COXFA4L2: variants seen among roughly 807,000 people sequenced by gnomAD.
COXFA4L2 encodes the protein NADH dehydrogenase (ubiquinone) 1 alpha subcomplex, 4-like 2.
At chr12:57,235,804 T>C in the COXFA4L2 span, 3 of 1,541,040 alleles carry the variant, frequency 1.9e-6, no homozygotes, top group Non-Finnish European at 1.8e-6. Flanking sequence ...GTTCTTTCTG[T>C]CCCAGCTGTG....
the COXFA4L2 span, chr12:57,236,432 A>T: frequency 6.7e-6 from 4 of 594,006 alleles, no homozygotes; most frequent in Admixed American, 1.1e-4. Context: ...TGGAGGGGAT[A>T]CGGGGGTCTC....
the COXFA4L2 span, chr12:57,240,266 C>G: frequency 6.6e-6 from 1 of 152,114 alleles, no homozygotes; most frequent in Non-Finnish European, 1.5e-5. Context: ...TTATGCAAAG[C>G]GCTCTCCGCC....
the COXFA4L2 span, chr12:57,237,321 T>G: frequency 7.0e-7 from 1 of 1,422,266 alleles, no homozygotes; most frequent in South Asian, 1.5e-5. Context: ...GACTCTCTCC[T>G]CCAGATGTCT....
At chr12:57,238,569 A>G in the COXFA4L2 span, among the ~76,000 whole-genome samples, 308 of 152,208 alleles carry the variant, frequency 2.0e-3, 2 homozygotes, top group African/African-American at 7.0e-3. This position sits in a 1 kb window ranked among gnomAD's most constrained non-coding sequence, Gnocchi z 6.8. Flanking sequence ...CCAGAGCTCA[A>G]ACTCGAGCGG....
chr12:57,237,836 G>A, the COXFA4L2 span: 1 of 154,440 alleles, frequency 6.5e-6, no homozygotes, highest in Non-Finnish European at 1.5e-5. Context: ...GCCGCCCAAG[G>A]AGGCCATCCA....
At chr12:57,236,823 G>T in the COXFA4L2 span, 1 of 981,372 alleles carries the variant, frequency 1.0e-6, no homozygotes, top group Non-Finnish European at 1.5e-6. Context: ...CATATTTCCT[G>T]GCATGGTCTC....
the COXFA4L2 span, chr12:57,236,620 C>T: frequency 1.3e-6 from 2 of 1,585,056 alleles, no homozygotes; most frequent in Non-Finnish European, 1.7e-6. Flanking sequence ...AAGGGCGAGT[C>T]GCAGCAAGTA....
chr12:57,235,910 C>T, the COXFA4L2 span: 10 of 1,014,016 alleles, frequency 9.9e-6, 2 homozygotes, highest in South Asian at 2.2e-4. Flanking sequence ...TCTGGCCCCA[C>T]CCCAGTACCC....
chr12:57,235,472 G>A, the COXFA4L2 span: 190 of 1,388,120 alleles, frequency 1.4e-4, no homozygotes, highest in Admixed American at 1.1e-3. Context: ...CAGGGTGGCC[G>A]GAGTGATGCC....
chr12:57,235,649 G>A, the COXFA4L2 span: 12 of 1,613,636 alleles, frequency 7.4e-6, no homozygotes, highest in Non-Finnish European at 1.0e-5. Flanking sequence ...GGGTTGCGCT[G>A]AGTACCCCAA....
the COXFA4L2 span, chr12:57,235,384 T>G: frequency 1.5e-6 from 1 of 689,602 alleles, no homozygotes; most frequent in South Asian, 1.7e-5. Context: ...CTTCCGCTGC[T>G]GGGAGCAAGG....
At chr12:57,237,105 G>T in the COXFA4L2 span, 1 of 1,614,168 alleles carries the variant, frequency 6.2e-7, no homozygotes, top group African/African-American at 1.3e-5. Flanking sequence ...TTCCCAGTCT[G>T]GTCCTCTGCA....
At chr12:57,240,577 A>C in the COXFA4L2 span, 1 of 732,776 alleles carries the variant, frequency 1.4e-6, no homozygotes, top group Non-Finnish European at 1.7e-6. Flanking sequence ...GCGCACACAC[A>C]CACTCGCGCG....
At chr12:57,237,262 C>G in the COXFA4L2 span, 1 of 1,457,680 alleles carries the variant, frequency 6.9e-7, no homozygotes, top group Non-Finnish European at 9.0e-7. Context: ...AATTCCAGGC[C>G]CAAAGCCTGT....
the COXFA4L2 span, among the ~76,000 whole-genome samples, chr12:57,237,593 G>A: frequency 1.1e-4 from 16 of 152,334 alleles, no homozygotes; most frequent in African/African-American, 3.6e-4. Flanking sequence ...ACAGTGTAGT[G>A]GGGGAAGGAG....
chr12:57,237,183 G>A, the COXFA4L2 span: 7 of 1,608,580 alleles, frequency 4.4e-6, no homozygotes, highest in Non-Finnish European at 5.9e-6. Context: ...CCAGCCCAGA[G>A]CAGCTTAGCT....
chr12:57,235,864 G>A, the COXFA4L2 span: 7 of 1,464,574 alleles, frequency 4.8e-6, no homozygotes, highest in African/African-American at 4.2e-5. Context: ...CCAGAACTCT[G>A]TAACCCAATT....
chr12:57,238,867 C>T, the COXFA4L2 span, among the ~76,000 whole-genome samples: 29 of 152,342 alleles, frequency 1.9e-4, no homozygotes, highest in Non-Finnish European at 3.2e-4. This position sits in a 1 kb window ranked among gnomAD's most constrained non-coding sequence, Gnocchi z 6.8. Flanking sequence ...CCTTCTCCTG[C>T]TTCTGGTCCC....
chr12:57,236,358 C>T, the COXFA4L2 span: 1 of 494,758 alleles, frequency 2.0e-6, no homozygotes, highest in South Asian at 3.4e-5. Flanking sequence ...GCAACCCGGC[C>T]GGGAGAGGCG....
Sources: allele counts gnomAD v4.1 joint callset (sites outside exome capture counted in the v4.1 genomes callset), GRCh38; gene constraint gnomAD v4.1.1; non-coding constraint Gnocchi (gnomAD v3.1); transcripts MANE v1.5; gene names NCBI Gene and HGNC (gene_info 2026-07-23, HGNC 2026-07-21).